The following SKAP1 variants were observed in gnomAD, a reference collection of about 807,000 sequenced individuals.
SKAP1 encodes the protein src kinase-associated phosphoprotein 1.
SKAP1 carries 44 observed loss-of-function variants against 58.5 expected under a neutral mutation model. That is an observed-to-expected ratio of 0.75 (90% CI 0.59 to 0.97). SKAP1 has a LOEUF of 0.97. Among genes scored for constraint, SKAP1 ranks in the 50% least tolerant of loss-of-function variants. SKAP1 has a pLI of 0.00. For synonymous variants in SKAP1, 127 were observed against 149.7 expected (o/e 0.85, Z 1.11); for missense variants, 390 against 435.2 (o/e 0.90, Z 0.92).
chr17:48,444,143 C>G, the SKAP1 span, among the ~76,000 whole-genome samples: 1 of 99,144 alleles, frequency 1.0e-5, no homozygotes, highest in Non-Finnish European at 2.8e-5. Context: ...GCCTGTAATC[C>G]CAGCACTTTG....
At chr17:48,291,482 G>A (rs16954750) in intron 4 of SKAP1, among the ~76,000 whole-genome samples, 4,315 of 152,208 alleles carry the variant, frequency 0.028, 220 homozygotes, top group African/African-American at 0.1. Context: ...AAAAATTTGC[G>A]TACTGGCAAT....
chr17:48,269,898 A>G (rs1048498106), intron 4 of SKAP1, among the ~76,000 whole-genome samples: 1 of 152,088 alleles, frequency 6.6e-6, no homozygotes, highest in Admixed American at 6.5e-5. Flanking sequence ...GTATCACCTG[A>G]GGTCGGGAGT....
intron 11 of SKAP1, among the ~76,000 whole-genome samples, chr17:48,152,693 T>C (rs928840705): frequency 6.6e-6 from 1 of 152,230 alleles, no homozygotes; most frequent in Non-Finnish European, 1.5e-5. Flanking sequence ...CCGGTTAGTT[T>C]TAAAGATTTA....
At chr17:48,239,538 A>G (rs1480313636) in intron 4 of SKAP1, among the ~76,000 whole-genome samples, 1 of 152,236 alleles carries the variant, frequency 6.6e-6, no homozygotes, top group Non-Finnish European at 1.5e-5. Flanking sequence ...TGAGTCAATC[A>G]GAAACTCACT....
chr17:48,183,638 T>C (rs1389385511), intron 7 of SKAP1, among the ~76,000 whole-genome samples: 7 of 152,154 alleles, frequency 4.6e-5, no homozygotes, highest in Admixed American at 1.3e-4. Flanking sequence ...ACTTGTTACG[T>C]AAACTTTTAC....
At chr17:48,214,628 T>TC in intron 4 of SKAP1, among the ~76,000 whole-genome samples, 1 of 147,874 alleles carries the variant, frequency 6.8e-6, no homozygotes, top group Middle Eastern at 3.2e-3. Context: ...TTTTTTTTTT[T>TC]CTCTTTTTCT....
At chr17:48,275,754 CT>C (rs1313379167) in intron 4 of SKAP1, among the ~76,000 whole-genome samples, 1 of 152,206 alleles carries the variant, frequency 6.6e-6, no homozygotes, top group African/African-American at 2.4e-5. Context: ...GTTGTTGCTG[CT>C]GCTGCTGCTG....
At chr17:48,304,286 C>A (rs2066105541) in intron 4 of SKAP1, among the ~76,000 whole-genome samples, 1 of 152,186 alleles carries the variant, frequency 6.6e-6, no homozygotes, top group African/African-American at 2.4e-5. Flanking sequence ...TCTAACCTGT[C>A]TAATTCCTGG....
At chr17:48,293,960 A>T (rs1057159351) in intron 4 of SKAP1, among the ~76,000 whole-genome samples, 2 of 152,192 alleles carry the variant, frequency 1.3e-5, no homozygotes, top group African/African-American at 4.8e-5. Context: ...GAGGAGAGAG[A>T]GGAAAAAACT....
intron 4 of SKAP1, among the ~76,000 whole-genome samples, chr17:48,326,495 C>CT (rs1477922314): frequency 1.3e-5 from 2 of 152,162 alleles, no homozygotes; most frequent in Non-Finnish European, 2.9e-5. Flanking sequence ...CATTGGAACA[C>CT]TTTTTTCTGC....
intron 2 of SKAP1, among the ~76,000 whole-genome samples, chr17:48,396,369 G>A (rs2067418162): frequency 6.6e-6 from 1 of 152,138 alleles, no homozygotes; most frequent in African/African-American, 2.4e-5. Flanking sequence ...ATTTGGACAA[G>A]CATAAATGTT....
At chr17:48,382,608 G>T (rs1046058729) in intron 2 of SKAP1, 3 of 152,248 alleles carry the variant, frequency 2.0e-5, no homozygotes, top group African/African-American at 7.2e-5. Flanking sequence ...TTCTTAAGCT[G>T]CAGAGATAAC....
chr17:48,287,376 G>C (rs2065844016), intron 4 of SKAP1, among the ~76,000 whole-genome samples: 1 of 151,448 alleles, frequency 6.6e-6, no homozygotes, highest in African/African-American at 2.4e-5. Context: ...TTTTTTAGTA[G>C]AACCAAAGGT....
chr17:48,231,675 G>A (rs938293991), intron 4 of SKAP1, among the ~76,000 whole-genome samples: 1 of 152,146 alleles, frequency 6.6e-6, no homozygotes, highest in Admixed American at 6.5e-5. Context: ...AATGACAGTG[G>A]GGGTTAAGTT....
In SKAP1 at chr17:48,378,618, C is replaced by G. The variant is rs114191266; in HGVS notation, c.153-14804G>C. 4.7e-3 allele frequency among the ~76,000 whole-genome samples: 710 copies of G among 152,250 alleles called. 4 individuals carry two copies. Among genetic ancestry groups the G allele is most frequent in the African/African-American group, 0.016 (662 of 41,542 alleles). ...GTTCAAGCACCCTCTGCCAGCAAAC[C>G]TTTCCTTTCATGCCTCCTTCTTCTC... On this transcript the variant is annotated intron_variant, in intron 2 of 12. Transcript: ENST00000336915.
chr17:48,334,909 A>C (rs2066549345), intron 4 of SKAP1, among the ~76,000 whole-genome samples: 1 of 151,884 alleles, frequency 6.6e-6, no homozygotes, highest in Non-Finnish European at 1.5e-5. Flanking sequence ...AATAAAAGTA[A>C]ATTGATTTCC....
chr17:48,160,809 G>T (rs1042975582), intron 11 of SKAP1, among the ~76,000 whole-genome samples: 35 of 152,240 alleles, frequency 2.3e-4, no homozygotes, highest in Non-Finnish European at 5.9e-5. Flanking sequence ...CACCTGAGTG[G>T]ATAACTCGAT....
At chr17:48,239,976 A>G (rs2065228074) in intron 4 of SKAP1, among the ~76,000 whole-genome samples, 1 of 152,220 alleles carries the variant, frequency 6.6e-6, no homozygotes, top group Non-Finnish European at 1.5e-5. Context: ...GTACAAAAGA[A>G]GGTAGATGTT....
At chr17:48,401,347 G>T (rs890053097) in intron 1 of SKAP1, among the ~76,000 whole-genome samples, 13 of 151,734 alleles carry the variant, frequency 8.6e-5, no homozygotes, top group Non-Finnish European at 2.9e-5. Context: ...AGACAAATTT[G>T]GAGGACTCAC....
Sources: gnomAD v4.1 joint callset for allele counts (sites outside exome capture counted in the v4.1 genomes callset) on GRCh38, gnomAD v4.1.1 for gene constraint, MANE v1.5 for transcripts, NCBI Gene and HGNC (gene_info 2026-07-23, HGNC 2026-07-21) for gene names.